HEG1: variants seen among roughly 807,000 people sequenced by gnomAD.
HEG1 encodes the protein protein HEG homolog 1.
Under a neutral mutation model 125.6 loss-of-function variants are expected in HEG1, and 56 were observed. The observed-to-expected ratio is 0.45, with a 90% CI of 0.36 to 0.56. The LOEUF is 0.56. HEG1 is among the 20% of genes least tolerant of loss of function. The probability of loss-of-function intolerance (pLI) is 0.00; values close to 1 mark genes in which losing one functional copy is unlikely to be tolerated. For missense variants in HEG1, 1,523 were observed against 1,670.0 expected (o/e 0.91, Z 1.53); for synonymous variants, 644 against 668.5 (o/e 0.96, Z 0.57).
chr3:124,998,966 T>C (rs1936962589), intron 11 of HEG1, among the ~76,000 whole-genome samples: 1 of 152,190 alleles, frequency 6.6e-6, no homozygotes, highest in Non-Finnish European at 1.5e-5. Context: ...TTTCCAGGCA[T>C]GGTCTCCCAT....
chr3:124,999,721 A>C (rs1242724267), intron 11 of HEG1, among the ~76,000 whole-genome samples: 2 of 152,258 alleles, frequency 1.3e-5, no homozygotes, highest in Non-Finnish European at 2.9e-5. Context: ...AGGACCACGT[A>C]GAATCCCATT....
At chr3:125,014,421 A>G (rs1041981166) in intron 5 of HEG1, among the ~76,000 whole-genome samples, 23 of 151,954 alleles carry the variant, frequency 1.5e-4, no homozygotes, top group African/African-American at 5.3e-4. Flanking sequence ...ATAGAATGAG[A>G]TATTTCTTTC....
chr3:124,987,362 G>A (rs925663025), intron 14 of HEG1, among the ~76,000 whole-genome samples: 10 of 151,732 alleles, frequency 6.6e-5, no homozygotes, highest in African/African-American at 2.4e-4. Context: ...AGGGGCACAC[G>A]TGAACAGGGT....
At chr3:124,990,732 T>C in intron 14 of HEG1, 55 bp downstream of exon 14, 1 of 1,522,166 alleles carries the variant, frequency 6.6e-7, no homozygotes, top group Non-Finnish European at 8.9e-7. Flanking sequence ...ACCTGTGCAC[T>C]AACAACAGGG....
chr3:124,970,596 T>G lies in HEG1; in HGVS notation c.*56A>C. 6.6e-7 allele frequency: 1 copy of G among 1,516,558 alleles called. No individual in the cohort carries two copies. The highest frequency in any genetic ancestry group is 9.0e-7 in the Non-Finnish European group (1 of 1,116,838). 93.9% of individuals were successfully genotyped at this position (1,516,558 alleles called of 1,614,324 possible). A position where few individuals can be genotyped will look rare whatever the true frequency, so the allele number is the denominator to read the frequency against. On this transcript the variant is annotated 3_prime_UTR_variant, in exon 17 of 17. Coordinates refer to ENST00000311127, the MANE Select transcript of HEG1 (RefSeq NM_020733.2). ...GGCGCAGCCTCCTGGTGCGGTCCTC[T>G]GAGCAGAGGTCCCAGGTGACTGGCT...
intron 4 of HEG1, 52 bp downstream of exon 4, chr3:125,020,739 AT>A: frequency 6.7e-7 from 1 of 1,491,846 alleles, no homozygotes; most frequent in East Asian, 2.3e-5. Flanking sequence ...CCCTAAGAAA[AT>A]TCAATGATTT....
In HEG1 at chr3:125,013,273, A is replaced by T. The variant is rs781032732; in HGVS notation, c.2306T>A (p.Met769Lys). ...GTCTGCAGTTTGACTACTATGGAGC[A>T]TTGTCATGAATGATGTCATTGTTGA... ...QTSTMTSFMT[M>K]LHSSQTADLK... The change falls in exon 6 of 17, where the codon ATG (methionine) becomes AAG (lysine). Residue 769 changes from methionine (M) to lysine (K), a missense_variant. By Grantham distance (95) the Met-to-Lys change is moderately conservative. Transcript: ENST00000311127. 3.1e-6 allele frequency: 5 copies of T among 1,613,890 alleles called. No individual in the cohort carries two copies. In the African/African-American group the frequency reaches 5.3e-5, roughly 17 times the overall value.
intron 15 of HEG1, among the ~76,000 whole-genome samples, chr3:124,977,179 T>A (rs1358430461): frequency 1.3e-5 from 2 of 152,208 alleles, no homozygotes; most frequent in Non-Finnish European, 2.9e-5. Flanking sequence ...TTGCTCCTCT[T>A]TGCCTTCCAC....
At chr3:125,045,675 A>T (rs1937651969) in intron 1 of HEG1, among the ~76,000 whole-genome samples, 1 of 152,138 alleles carries the variant, frequency 6.6e-6, no homozygotes, top group African/African-American at 2.4e-5. Flanking sequence ...TTTTCCACTC[A>T]TCCTTCCATG....
intron 1 of HEG1, among the ~76,000 whole-genome samples, chr3:125,038,430 T>C (rs1937566109): frequency 6.6e-6 from 1 of 152,170 alleles, no homozygotes; most frequent in South Asian, 2.1e-4. Flanking sequence ...CTATCTCTCT[T>C]ATTGCCTACT....
chr3:124,982,773 A>G (rs949313568), intron 14 of HEG1, among the ~76,000 whole-genome samples: 1 of 152,172 alleles, frequency 6.6e-6, no homozygotes, highest in African/African-American at 2.4e-5. Flanking sequence ...GGGGGTGGGC[A>G]CACTCGGACA....
At chr3:125,020,419 T>C (rs964313050) in intron 4 of HEG1, among the ~76,000 whole-genome samples, 2 of 152,074 alleles carry the variant, frequency 1.3e-5, no homozygotes, top group African/African-American at 2.4e-5. Flanking sequence ...GAGCCAGACA[T>C]TGTCTTCAAA....
chr3:125,014,905 C>T, intron 5 of HEG1: 1 of 1,289,854 alleles, frequency 7.8e-7, no homozygotes, highest in Non-Finnish European at 1.0e-6. Flanking sequence ...TTTCCAGTGA[C>T]AGTAGCCAAG....
At chr3:125,039,848 A>AAC (rs1937578487) in intron 1 of HEG1, among the ~76,000 whole-genome samples, 1 of 149,494 alleles carries the variant, frequency 6.7e-6, no homozygotes, top group Non-Finnish European at 1.5e-5. Flanking sequence ...AAAAAAAAAA[A>AAC]ACAACAAAAA....
Position 125,021,107 on chromosome 3 carries a change from TA to T in HEG1, c.936del (p.Asn313ThrfsTer34). 1 of 1,578,236 alleles carries T rather than the reference TA, an allele frequency of 6.3e-7. No individual in the cohort carries two copies. Among genetic ancestry groups the T allele is most frequent in the Non-Finnish European group, 8.6e-7 (1 of 1,160,448 alleles). On this transcript the variant is annotated frameshift_variant, in exon 4 of 17. Coordinates refer to ENST00000311127, the MANE Select transcript of HEG1 (RefSeq NM_020733.2). LOFTEE classifies it high-confidence loss of function. ...LSSSSESTEK[L>X]NNSTGLQSSS... ...GAGCTCTGGAGGCCAGTGGAGTTGT[TA>T]AGCTTCTCTGTACTTTCAGAAGCTA... is the stretch of plus-strand genomic sequence containing the variant.
chr3:125,043,885 G>A (rs994115955), intron 1 of HEG1, among the ~76,000 whole-genome samples: 3 of 152,142 alleles, frequency 2.0e-5, no homozygotes, highest in Non-Finnish European at 4.4e-5. Flanking sequence ...GGGGAGAGGC[G>A]GGTGCAGGAG....
At chr3:125,047,850 G>A (rs1937699918) in intron 1 of HEG1, among the ~76,000 whole-genome samples, 1 of 152,124 alleles carries the variant, frequency 6.6e-6, no homozygotes, top group Non-Finnish European at 1.5e-5. Flanking sequence ...CAGTTCCAAG[G>A]TGGAACTGCA....
intron 14 of HEG1, among the ~76,000 whole-genome samples, chr3:124,987,822 G>C (rs972227671): frequency 2.0e-5 from 3 of 150,602 alleles, no homozygotes; most frequent in South Asian, 2.1e-4. Context: ...GCCCGGCCAA[G>C]CCTCTCTGTT....
At chr3:125,015,384 T>C (rs1937229524) in intron 5 of HEG1, among the ~76,000 whole-genome samples, 1 of 152,214 alleles carries the variant, frequency 6.6e-6, no homozygotes, top group South Asian at 2.1e-4. Context: ...TTCAGACATT[T>C]GCACAAGGCC....
Sources: allele counts gnomAD v4.1 joint callset (sites outside exome capture counted in the v4.1 genomes callset), GRCh38; gene constraint gnomAD v4.1.1; transcripts MANE v1.5; gene names NCBI Gene and HGNC (gene_info 2026-07-23, HGNC 2026-07-21).